AHNAK2: variants seen among roughly 807,000 people sequenced by gnomAD.
The protein encoded by AHNAK2 is protein AHNAK2.
In AHNAK2, 18 loss-of-function variants were observed where a neutral mutation model predicts 30.7. The observed-to-expected ratio is 0.59, with a 90% CI of 0.41 to 0.87. The LOEUF (loss-of-function observed/expected upper bound fraction) is 0.87, where lower values mean the gene tolerates loss of function less well. Ranked by LOEUF, AHNAK2 falls within the 40% of genes least tolerant of loss-of-function variation. AHNAK2 has a pLI of 0.00. For missense variants in AHNAK2, 8,604 were observed against 7,373.0 expected, an observed-to-expected ratio of 1.17 and a Z score of -6.11; for synonymous variants, 3,590 against 3,073.8, an observed-to-expected ratio of 1.17 and a Z score of -5.56.
rs1159314371 is a variant in AHNAK2, at chr14:104,952,157, GC to G, written c.3293del (p.Gly1098AlafsTer13). 1.2e-6 allele frequency: 2 copies of G among 1,611,980 alleles called. No individual in the cohort carries two copies. Among genetic ancestry groups the G allele is most frequent in the Non-Finnish European group, 1.7e-6 (2 of 1,179,418 alleles). ...TGGGGCCCTTGACGTCCACCTGGGG[GC>G]CCTTGAGGGCCACTTTGGGCATCTT... The part of the protein sequence containing the change: ...SFKMPKVALK[G>X]PQVDVKGPKL... On this transcript the variant is annotated frameshift_variant, in exon 7 of 7. Transcript: ENST00000333244. LOFTEE classifies it low-confidence loss of function (END_TRUNC).
rs1235138967 is a variant in AHNAK2, at chr14:104,946,777, G to A, written c.8674C>T (p.Leu2892Phe). 5 of 1,612,756 alleles carry A rather than the reference G, an allele frequency of 3.1e-6. No individual in the cohort carries two copies. The highest frequency in any genetic ancestry group is 1.3e-5 in the African/African-American group (1 of 74,580). The change falls in exon 7 of 7, where the codon CTC becomes TTC. Residue 2892 changes from leucine (L) to phenylalanine (F), a missense_variant. Coordinates refer to ENST00000333244, the MANE Select transcript of AHNAK2 (RefSeq NM_138420.4). ...PEGHVPEGAG[L>F]KGHLPKVQMP... is the part of the protein sequence containing the mutation. ...TGCACCTTGGGCAGGTGCCCTTTGA[G>A]GCCGGCTCCCTCGGGAACGTGGCCC...
chr14:104,963,935 T>C (rs1186463986), intron 1 of AHNAK2, among the ~76,000 whole-genome samples: 2 of 151,508 alleles, frequency 1.3e-5, no homozygotes, highest in Non-Finnish European at 2.9e-5. Flanking sequence ...ATAGCCATGA[T>C]AGAAAACACT....
In AHNAK2 at chr14:104,957,669, G is replaced by T. The variant is rs1399295796; in HGVS notation, c.59C>A (p.Ser20Tyr). ...CTCCCCGGGCTGCAGCTGACGGCCG[G>T]ACACTGCAGAGAGAGTGGCTGTCAG... ...PTWPGTPGSV[S>Y]GRQLQPGEPG... Residue 20 changes from serine to tyrosine, a missense_variant, in exon 2 of 7, where the codon TCC becomes TAC. Coordinates refer to ENST00000333244, the MANE Select transcript of AHNAK2 (RefSeq NM_138420.4). The T allele has an allele frequency of 6.2e-7, 1 of 1,610,174 alleles. No individual in the cohort carries two copies. Among genetic ancestry groups the T allele is most frequent in the Admixed American group, 1.7e-5 (1 of 59,704 alleles).
At chr14:104,960,004 A>G (rs1345366882) in intron 1 of AHNAK2, among the ~76,000 whole-genome samples, 1 of 152,248 alleles carries the variant, frequency 6.6e-6, no homozygotes, top group African/African-American at 2.4e-5. Context: ...CTCTGCAGCC[A>G]TAGTACAAAA....
rs1399912465 is a variant in AHNAK2 at position 104,955,601 on chromosome 14, C to A, written c.348G>T (p.Lys116Asn). Residue 116 changes from lysine to asparagine, a missense_variant, in exon 5 of 7, where the codon AAG becomes AAT. Transcript: ENST00000333244. The stretch of plus-strand genomic sequence containing the variant: ...CACTGGCTCCTGCCTCCACCTCTGT[C>A]TTCAGCGTCACCTCTGTTGCCTCCT... Reference protein sequence around the residue: ...AVQEATEVTLKTEVEAGASGY... With the variant: ...AVQEATEVTLNTEVEAGASGY... 2.5e-6 allele frequency: 4 copies of A among 1,613,712 alleles called. No individual in the cohort carries two copies. Among genetic ancestry groups the A allele is most frequent in the Non-Finnish European group, 2.5e-6 (3 of 1,179,812 alleles).
chr14:104,938,865 T>C lies in AHNAK2; in HGVS notation c.16586A>G (p.His5529Arg). The C allele has an allele frequency of 1.2e-6, 2 of 1,613,878 alleles. No homozygotes were observed. The highest frequency in any genetic ancestry group is 1.7e-6 in the Non-Finnish European group (2 of 1,179,880). Residue 5529 changes from histidine (H) to arginine (R), a missense_variant, in exon 7 of 7, where the codon CAC becomes CGC. Transcript: ENST00000333244. ...TGTTGTGTACACTCTAGCCTGCGTGTGGGGCTCTGGGATTTTCACTTTTAA... is the reference window on the plus strand; with the variant it reads ...TGTTGTGTACACTCTAGCCTGCGTGCGGGGCTCTGGGATTTTCACTTTTAA... Reference protein sequence around the residue: ...SLLKVKIPEPHTQARVYTTMT... With the variant: ...SLLKVKIPEPRTQARVYTTMT...
rs1339089616 is a variant in AHNAK2 at position 104,941,295 on chromosome 14, T to G, written c.14156A>C (p.Asp4719Ala). The change falls in exon 7 of 7, where the codon GAT becomes GCT. Residue 4719 changes from aspartate (D) to alanine (A), a missense_variant. Physicochemically the swap from Asp to Ala is moderately radical, Grantham distance 126. Transcript: ENST00000333244. ...VSFSSTKTPK[D>A]SLVPGAKSSI... ...AGACTTTGCACCTGGGACTAAACTA[T>G]CTTTAGGAGTTTTGGTAGAAGAAAA... is the stretch of plus-strand genomic sequence containing the variant. 23 of 1,613,402 alleles carry G rather than the reference T, an allele frequency of 1.4e-5. No homozygotes were observed. The highest frequency in any genetic ancestry group is 1.9e-5 in the Non-Finnish European group (22 of 1,179,844).
Position 104,938,313 on chromosome 14 carries a change from T to G in AHNAK2, c.17138A>C (p.Lys5713Thr), listed in dbSNP as rs969624077. ...GFSSSPTKKS[K>T]STEDGAELEE... Reference sequence around the variant, plus strand: ...CAGCTCTGCCCCATCTTCGGTGCTTTTGCTTTTCTTGGTAGGAGATGAGGA... The same window carrying G: ...CAGCTCTGCCCCATCTTCGGTGCTTGTGCTTTTCTTGGTAGGAGATGAGGA... The change falls in exon 7 of 7, where the codon AAA becomes ACA. Residue 5713 changes from lysine (K) to threonine (T), a missense_variant. By Grantham distance (78) the Lys-to-Thr change is moderately conservative. Transcript: ENST00000333244. 1.2e-6 allele frequency: 2 copies of G among 1,613,984 alleles called. No individual in the cohort carries two copies. Among genetic ancestry groups the G allele is most frequent in the Non-Finnish European group, 1.7e-6 (2 of 1,179,898 alleles).
At chr14:104,970,477 C>T in intron 1 of AHNAK2, 1 of 985,380 alleles carries the variant, frequency 1.0e-6, no homozygotes, top group Non-Finnish European at 1.2e-6. Context: ...CAGACGCTCT[C>T]CCAACTGGCC....
rs372128709 is a variant in AHNAK2, at chr14:104,949,332, G to A, written c.6119C>T (p.Pro2040Leu). ...DLKTTDLSIQ[P>L]PSADLKVQTG... The stretch of plus-strand genomic sequence containing the variant: ...CTGGACCTTCAGGTCGGCAGAAGGG[G>A]GCTGAATGCTGAGGTCAGTGGTCTT... The change falls in exon 7 of 7, where the codon CCC becomes CTC. Residue 2040 changes from proline to leucine, a missense_variant. By Grantham distance (98) the Pro-to-Leu change is moderately conservative (BLOSUM62 -3). Transcript: ENST00000333244. 166 of 1,504,220 alleles carry A rather than the reference G, an allele frequency of 1.1e-4. 50 individuals are homozygous for A. Among genetic ancestry groups the A allele is most frequent in the African/African-American group, 2.1e-4 (15 of 71,298 alleles). 93.2% of individuals were successfully genotyped at this position (1,504,220 alleles called of 1,614,324 possible).
chr14:104,950,556 C>A lies in AHNAK2; in HGVS notation c.4895G>T (p.Arg1632Ile). The change falls in exon 7 of 7, where the codon AGA becomes ATA. Residue 1632 changes from arginine (R) to isoleucine (I), a missense_variant. Physicochemically the swap from Arg to Ile is moderately conservative, Grantham distance 97 (BLOSUM62 -3). Coordinates refer to ENST00000333244, the MANE Select transcript of AHNAK2 (RefSeq NM_138420.4). ...SSMEVDVQAP[R>I]AKLDGAQLEG... is the part of the protein sequence containing the mutation. ...CAGCTGCGCACCATCCAGCTTTGCT[C>A]TCGGGGCCTGGACGTCCACCTCCAT... The A allele has an allele frequency of 6.3e-7, 1 of 1,587,100 alleles. No homozygotes were observed. Among genetic ancestry groups the A allele is most frequent in the Non-Finnish European group, 8.6e-7 (1 of 1,162,930 alleles).
In AHNAK2 at chr14:104,941,628, G is replaced by A. The variant is rs369348146; in HGVS notation, c.13823C>T (p.Ala4608Val). ...CAGGGACAGGTCCCCCTCAAGCCGC[G>A]CACCATCCAGCATGGATCCTGGGGC... ...VQAPGSMLDG[A>V]RLEGDLSLAH... Residue 4608 changes from alanine (A) to valine (V), a missense_variant, in exon 7 of 7, where the codon GCG (alanine) becomes GTG (valine). Transcript: ENST00000333244. The A allele has an allele frequency of 1.0e-4, 165 of 1,613,426 alleles. No individual in the cohort carries two copies. The African/African-American group carries it at 1.5e-3, about 14-fold the overall frequency.
intron 1 of AHNAK2, among the ~76,000 whole-genome samples, chr14:104,970,099 C>T (rs982010753): frequency 6.6e-6 from 1 of 152,174 alleles, no homozygotes; most frequent in African/African-American, 2.4e-5. Flanking sequence ...TGGCATTCAC[C>T]TCCCCCCACA....
Position 104,942,134 on chromosome 14 carries a change from C to T in AHNAK2, c.13317G>A (p.Lys4439=), listed in dbSNP as rs1203643306. 1 of 1,613,454 alleles carries T rather than the reference C, an allele frequency of 6.2e-7. No homozygotes were observed. Among genetic ancestry groups the T allele is most frequent in the East Asian group, 2.2e-5 (1 of 44,786 alleles). Residue 4439 remains lysine, a synonymous_variant, in exon 7 of 7, where the codon AAG becomes AAA. Coordinates refer to ENST00000333244, the MANE Select transcript of AHNAK2 (RefSeq NM_138420.4). The stretch of plus-strand genomic sequence containing the variant: ...CCCCCTCCAGCCGCGTACTGTCCAG[C>T]TTGGCTCCTGGGGCTTGGATGTCCA... ...MEVDIQAPGA[K]LDSTRLEGDL...
At position 104,948,204 on chromosome 14, in the gene AHNAK2, A is replaced by T; in HGVS notation, c.7247T>A (p.Leu2416His). The T allele has an allele frequency of 1.2e-6, 2 of 1,612,146 alleles. No homozygotes were observed. The highest frequency in any genetic ancestry group is 1.1e-5 in the South Asian group (1 of 91,008). The change falls in exon 7 of 7, where the codon CTC becomes CAC. Residue 2416 changes from leucine (L) to histidine (H), a missense_variant. Physicochemically the swap from Leu to His is moderately conservative, Grantham distance 99. Transcript: ENST00000333244. ...MPSFKMPKVDLKGPQIDVKGP... is the reference protein window; with the variant it reads ...MPSFKMPKVDHKGPQIDVKGP... ...CTTGACATCTATCTGGGGGCCCTTG[A>T]GATCTACTTTGGGCATCTTGAAACT...
chr14:104,956,873 C>T (rs1898991846), intron 3 of AHNAK2, among the ~76,000 whole-genome samples, 184 bp from the exon 4 acceptor site: 1 of 152,206 alleles, frequency 6.6e-6, no homozygotes, highest in Admixed American at 6.5e-5. Context: ...CAACTCTCGG[C>T]CTTCCTGCTT....
chr14:104,967,881 G>C (rs979109328), intron 1 of AHNAK2, among the ~76,000 whole-genome samples: 1 of 152,170 alleles, frequency 6.6e-6, no homozygotes, highest in African/African-American at 2.4e-5. Flanking sequence ...CAAGAGCACC[G>C]CCTCCCAGGC....
At chr14:104,969,070 C>A (rs1398851141) in intron 1 of AHNAK2, among the ~76,000 whole-genome samples, 1 of 152,220 alleles carries the variant, frequency 6.6e-6, no homozygotes, top group Non-Finnish European at 1.5e-5. Context: ...TGAGCAACAT[C>A]CCCCGCCCCT....
chr14:104,948,117 G>A lies in AHNAK2; in HGVS notation c.7334C>T (p.Ser2445Phe), dbSNP rs1898405930. 1 of 1,612,436 alleles carries A rather than the reference G, an allele frequency of 6.2e-7. No individual in the cohort carries two copies. Among genetic ancestry groups the A allele is most frequent in the South Asian group, 1.1e-5 (1 of 91,040 alleles). Residue 2445 changes from serine to phenylalanine, a missense_variant, in exon 7 of 7, where the codon TCT becomes TTT. Ser to Phe is a radical substitution (Grantham distance 155). Transcript: ENST00000333244. Reference protein sequence around the residue: ...TDVMAPDVEVSQPSVEVDVEA... With the variant: ...TDVMAPDVEVFQPSVEVDVEA... ...GACATCCACCTCCACGCTGGGCTGA[G>A]ACACCTCCACGTCGGGGGCCATCAC...
Sources: allele counts gnomAD v4.1 joint callset (sites outside exome capture counted in the v4.1 genomes callset), GRCh38; gene constraint gnomAD v4.1.1; transcripts MANE v1.5; gene names NCBI Gene and HGNC (gene_info 2026-07-23, HGNC 2026-07-21).